COL23A1: variants seen among roughly 807,000 people sequenced by gnomAD.
The protein encoded by COL23A1 is collagen type XXIII alpha 1 chain.
In COL23A1, 97 loss-of-function variants were observed where a neutral mutation model predicts 99.3. That is an observed-to-expected ratio of 0.98 (90% CI 0.83 to 1.16). The LOEUF (loss-of-function observed/expected upper bound fraction) is 1.16, where lower values mean the gene tolerates loss of function less well. COL23A1 is among the 50% of genes most tolerant of loss of function. The pLI, the probability that COL23A1 is intolerant of heterozygous loss-of-function variation, is 0.00. For missense variants in COL23A1, 762 were observed against 757.4 expected, an observed-to-expected ratio of 1.01 and a Z score of -0.07; for synonymous variants, 320 against 308.2, an observed-to-expected ratio of 1.04 and a Z score of -0.40.
chr5:178,498,248 ATATATAT>A (rs1562025718), intron 2 of COL23A1, among the ~76,000 whole-genome samples: 34 of 71,730 alleles, frequency 4.7e-4, no homozygotes, highest in African/African-American at 2.7e-3. Flanking sequence ...ATATATATAT[ATATATAT>A]ATAAAAGAAC....
chr5:178,455,658 T>C (rs1031982066), intron 2 of COL23A1, among the ~76,000 whole-genome samples: 1 of 152,202 alleles, frequency 6.6e-6, no homozygotes, highest in African/African-American at 2.4e-5. Context: ...CCATCGCTTC[T>C]GTGTGTTTCC....
chr5:178,282,430 C>T (rs571635090), intron 5 of COL23A1, among the ~76,000 whole-genome samples: 2 of 152,292 alleles, frequency 1.3e-5, no homozygotes, highest in South Asian at 4.1e-4. Context: ...ACATCCTCTC[C>T]AAGTATGTGT....
chr5:178,317,711 G>A (rs1239582523), intron 2 of COL23A1, among the ~76,000 whole-genome samples: 1 of 152,180 alleles, frequency 6.6e-6, no homozygotes, highest in East Asian at 1.9e-4. Flanking sequence ...TTGCCAATGG[G>A]TTGGGGAGCG....
chr5:178,347,903 A>AC (rs1581196313), intron 2 of COL23A1, among the ~76,000 whole-genome samples: 1 of 149,170 alleles, frequency 6.7e-6, no homozygotes, highest in Admixed American at 6.6e-5. Flanking sequence ...AAAAACCCAA[A>AC]AAAACAAAAC....
intron 2 of COL23A1, among the ~76,000 whole-genome samples, chr5:178,410,142 A>T (rs1045300299): frequency 1.3e-5 from 2 of 152,370 alleles, no homozygotes; most frequent in Non-Finnish European, 2.9e-5. Context: ...TACATAATAC[A>T]GTATGAAAAC....
intron 2 of COL23A1, among the ~76,000 whole-genome samples, chr5:178,351,546 C>T (rs1761328451): frequency 2.6e-5 from 4 of 152,150 alleles, no homozygotes; most frequent in South Asian, 2.1e-4. Flanking sequence ...GCACTCGGCC[C>T]ACTGTTTCTT....
intron 2 of COL23A1, among the ~76,000 whole-genome samples, chr5:178,505,207 T>G (rs1758794676): frequency 6.6e-6 from 1 of 152,136 alleles, no homozygotes; most frequent in Non-Finnish European, 1.5e-5. Flanking sequence ...CACCTTCATC[T>G]TCACTCGGTA....
At chr5:178,418,775 A>C (rs2127792280) in intron 2 of COL23A1, among the ~76,000 whole-genome samples, 1 of 152,348 alleles carries the variant, frequency 6.6e-6, no homozygotes, top group South Asian at 2.1e-4. Context: ...GCTTGTCGGC[A>C]CTGGGAGGCA....
chr5:178,394,799 G>C (rs1013490222), intron 2 of COL23A1, among the ~76,000 whole-genome samples: 1 of 152,212 alleles, frequency 6.6e-6, no homozygotes, highest in African/African-American at 2.4e-5. Flanking sequence ...CCTGGGTCTC[G>C]GGCAAGGGCT....
chr5:178,261,842 C>A, intron 10 of COL23A1, 94 bp from the exon 11 acceptor site: 1 of 1,106,784 alleles, frequency 9.0e-7, no homozygotes, highest in Non-Finnish European at 1.4e-6. Flanking sequence ...AAGGTGACAC[C>A]AATCCCAGAG....
At chr5:178,510,337 T>C (rs1759132811) in intron 2 of COL23A1, among the ~76,000 whole-genome samples, 1 of 152,072 alleles carries the variant, frequency 6.6e-6, no homozygotes, top group Admixed American at 6.6e-5. Flanking sequence ...AGGTCAGGAG[T>C]TCCGGACCAG....
At chr5:178,243,349 T>C (rs562806337) in intron 25 of COL23A1, among the ~76,000 whole-genome samples, 1 of 151,768 alleles carries the variant, frequency 6.6e-6, no homozygotes, top group South Asian at 2.1e-4. Context: ...TTAGCCGTCC[T>C]AGCAGCGTGC....
intron 2 of COL23A1, among the ~76,000 whole-genome samples, chr5:178,349,028 G>A (rs868062169): frequency 2.0e-5 from 3 of 152,058 alleles, no homozygotes; most frequent in Admixed American, 6.5e-5. Flanking sequence ...CACAGAAGGC[G>A]GCATTGTCTT....
chr5:178,248,274 T>A lies in COL23A1; in HGVS notation c.1150-20A>T. 1 of 1,603,022 alleles carries A rather than the reference T, an allele frequency of 6.2e-7. No individual in the cohort carries two copies. The highest frequency in any genetic ancestry group is 8.5e-7 in the Non-Finnish European group (1 of 1,171,148). On this transcript the variant is annotated intron_variant, in intron 19 of 28. Coordinates refer to ENST00000390654, the MANE Select transcript of COL23A1 (RefSeq NM_173465.4). ...AGCGCCCTGCAGGACGGCAATGGCC[T>A]GTGAGTCCTTTGTGTCCAGCACCTG...
intron 2 of COL23A1, among the ~76,000 whole-genome samples, chr5:178,455,918 G>A (rs536410314): frequency 1.3e-5 from 2 of 152,162 alleles, no homozygotes; most frequent in East Asian, 1.9e-4. Flanking sequence ...GTATTTCGAA[G>A]AATAAACAGG....
At chr5:178,437,283 T>A (rs1177335897) in intron 2 of COL23A1, among the ~76,000 whole-genome samples, 2 of 152,150 alleles carry the variant, frequency 1.3e-5, no homozygotes, top group Non-Finnish European at 2.9e-5. Context: ...AAAGCTTACT[T>A]TACTGGCTGT....
Position 178,309,029 on chromosome 5 carries a change from A to C in COL23A1, c.362-2110T>G, listed in dbSNP as rs992091529. Among the ~76,000 whole-genome samples the C allele has an allele frequency of 1.3e-5, 2 of 152,078 alleles. No individual in the cohort carries two copies. Among genetic ancestry groups the C allele is most frequent in the African/African-American group, 4.8e-5 (2 of 41,414 alleles). ...GCAGTAGGCCCCGGGCCCCAGGCAG[A>C]GTGAGGGGGCATGGCAGGAAAGGGG... On this transcript the variant is annotated intron_variant, in intron 2 of 28. Transcript: ENST00000390654. This position sits in a 1 kb window ranked among gnomAD's most constrained non-coding sequence, Gnocchi z 4.7.
chr5:178,504,110 G>A (rs1264118533), intron 2 of COL23A1, among the ~76,000 whole-genome samples: 4 of 152,146 alleles, frequency 2.6e-5, no homozygotes, highest in African/African-American at 9.7e-5. Context: ...TGTGGCCTGA[G>A]TTCCTGTCAT....
intron 3 of COL23A1, among the ~76,000 whole-genome samples, chr5:178,300,792 G>C (rs72819084): frequency 0.037 from 5,586 of 151,972 alleles, 130 homozygotes; most frequent in African/African-American, 0.064. Flanking sequence ...TTGAATTCCT[G>C]ACCTCATGTG....
Sources: allele counts gnomAD v4.1 joint callset (sites outside exome capture counted in the v4.1 genomes callset), GRCh38; gene constraint gnomAD v4.1.1; non-coding constraint Gnocchi (gnomAD v3.1); transcripts MANE v1.5; gene names NCBI Gene and HGNC (gene_info 2026-07-23, HGNC 2026-07-21).